The following TBC1D3B variants were observed in gnomAD, a reference collection of about 807,000 sequenced individuals.
TBC1D3B encodes Rab GTPase-activating protein PRC17 duplicate.
A neutral mutation model predicts 27.1 loss-of-function variants in TBC1D3B; 2 were observed. The observed-to-expected ratio is 0.07, with a 90% CI of 0.03 to 0.23. The LOEUF is 0.23. TBC1D3B is among the 10% of genes least tolerant of loss of function. The pLI is 1.00. For synonymous variants in TBC1D3B, 3 were observed against 150.1 expected, an observed-to-expected ratio of 0.02 and a Z score of 7.16; for missense variants, 17 against 401.3, an observed-to-expected ratio of 0.04 and a Z score of 8.18.
intron 13 of TBC1D3B, among the ~76,000 whole-genome samples, chr17:36,167,213 C>T (rs1411850247): frequency 1.3e-5 from 1 of 75,936 alleles, no homozygotes; most frequent in African/African-American, 3.1e-5. Flanking sequence ...CAGGGAGGGG[C>T]GGGGTCTCCC....
Position 36,174,975 on chromosome 17 carries a change from G to C in TBC1D3B, c.72+4C>G. Reference sequence around the variant, plus strand: ...CTCCCTCCAAGAAGCAGACCGACTTGTACCTTTTCGTATTTCATAATGATG... The same window carrying C: ...CTCCCTCCAAGAAGCAGACCGACTTCTACCTTTTCGTATTTCATAATGATG... On this transcript the variant is annotated splice_donor_region_variant and intron_variant, in intron 2 of 13. Transcript: ENST00000611257. 1.4e-6 allele frequency: 1 copy of C among 713,410 alleles called. No individual in the cohort carries two copies. The highest frequency in any genetic ancestry group is 2.9e-5 in the East Asian group (1 of 34,500). 44.2% of individuals were successfully genotyped at this position (713,410 alleles called of 1,614,324 possible).
At chr17:36,168,334 G>A (rs2068292392) in intron 11 of TBC1D3B, among the ~76,000 whole-genome samples, 168 bp from the exon 12 acceptor site, 1 of 54,858 alleles carries the variant, frequency 1.8e-5, no homozygotes, top group Admixed American at 1.2e-4. Flanking sequence ...TCCTCATGGG[G>A]GGCACTCATT....
intron 9 of TBC1D3B, 67 bp from the exon 10 acceptor site, chr17:36,169,241 G>A: frequency 6.3e-7 from 1 of 1,577,080 alleles, no homozygotes. Flanking sequence ...TCAGCTGCAA[G>A]AGCTGGGCAG....
At chr17:36,169,533 T>C (rs2068318237) in intron 9 of TBC1D3B, among the ~76,000 whole-genome samples, 1 of 148,664 alleles carries the variant, frequency 6.7e-6, no homozygotes, top group Admixed American at 6.7e-5. Context: ...CTGGGCTTGG[T>C]CGGCCCATTC....
chr17:36,169,003 G>T lies in TBC1D3B; in HGVS notation c.762+77C>A, dbSNP rs1228657192. The T allele has an allele frequency of 1.5e-5, 23 of 1,556,888 alleles. 1 individual carries two copies. Among genetic ancestry groups the T allele is most frequent in the Admixed American group, 8.4e-5 (5 of 59,392 alleles). ...CTCAGCCAGTCACCAGCCCCACGAG[G>T]GGCCCCAGCCCCCCTGCTCCTACAG... On this transcript the variant is annotated intron_variant, in intron 10 of 13. Coordinates refer to ENST00000611257, the MANE Select transcript of TBC1D3B (RefSeq NM_001001417.7).
intron 13 of TBC1D3B, among the ~76,000 whole-genome samples, chr17:36,167,214 G>A (rs1202666901): frequency 2.6e-5 from 2 of 76,272 alleles, no homozygotes; most frequent in Non-Finnish European, 8.8e-5. Context: ...AGGGAGGGGC[G>A]GGGTCTCCCA....
At chr17:36,171,465 G>T (rs1228176255) in intron 7 of TBC1D3B, among the ~76,000 whole-genome samples, 4 of 151,098 alleles carry the variant, frequency 2.6e-5, no homozygotes, top group Non-Finnish European at 5.9e-5. Context: ...CTGGATGAGA[G>T]TTTCCAGGAC....
chr17:36,175,094 C>T (rs1250680368), intron 1 of TBC1D3B, 43 bp from the exon 2 acceptor site: 27 of 661,982 alleles, frequency 4.1e-5, no homozygotes, highest in Non-Finnish European at 5.9e-5. Flanking sequence ...TACGCGGCGG[C>T]TTCGGAGAAC....
chr17:36,169,539 C>A (rs2068318504), intron 9 of TBC1D3B, among the ~76,000 whole-genome samples: 1 of 148,620 alleles, frequency 6.7e-6, no homozygotes, highest in African/African-American at 2.4e-5. Context: ...TTGGTCGGCC[C>A]ATTCGTGGGC....
rs2068327208 is a variant in TBC1D3B, at chr17:36,169,874, G to A, written c.667+17C>T. ...AGGTCTGGCTGCAGGAGGTCCCCGG[G>A]GCAGCTGTTCACTTACCCTGCAGGG... On this transcript the variant is annotated intron_variant, in intron 9 of 13. Transcript: ENST00000611257. 2 of 319,510 alleles carry A rather than the reference G, an allele frequency of 6.3e-6. No individual in the cohort carries two copies. The highest frequency in any genetic ancestry group is 1.3e-5 in the Non-Finnish European group (2 of 152,286). The allele number at this position is 319,510 out of a possible 1,614,324, so 19.8% of individuals were successfully genotyped here.
chr17:36,171,333 C>T (rs2068350514), intron 7 of TBC1D3B, among the ~76,000 whole-genome samples: 1 of 151,240 alleles, frequency 6.6e-6, no homozygotes, highest in African/African-American at 2.4e-5. Flanking sequence ...TGTCAGTTTC[C>T]AAATCAGTGG....
chr17:36,167,889 CAT>C (rs2142164379), intron 12 of TBC1D3B, among the ~76,000 whole-genome samples, 176 bp downstream of exon 12: 24,627 of 80,854 alleles, frequency 0.3, 2,074 homozygotes, highest in Non-Finnish European at 0.4. Context: ...TCTCGACTTT[CAT>C]CTGGGTCATG....
chr17:36,165,730 C>A lies in TBC1D3B; in HGVS notation c.*265G>T, dbSNP rs2068239249. The A allele has an allele frequency of 6.5e-5, 64 of 988,078 alleles. No homozygotes were observed. The South Asian group carries it at 9.2e-4, about 14-fold the overall frequency. The allele number at this position is 988,078 out of a possible 1,614,324, so 61.2% of individuals were successfully genotyped here. ...CAAAACGTGAAGGTAGTTATCCTTC[C>A]ATGAGTTTAAAGTACAAAGGCAGGC... On this transcript the variant is annotated 3_prime_UTR_variant, in exon 14 of 14. Coordinates refer to ENST00000611257, the MANE Select transcript of TBC1D3B (RefSeq NM_001001417.7).
intron 7 of TBC1D3B, among the ~76,000 whole-genome samples, chr17:36,170,910 A>G (rs1345810348): frequency 7.2e-3 from 583 of 81,508 alleles, no homozygotes; most frequent in African/African-American, 0.011. Flanking sequence ...GTTCCAAACC[A>G]ATGTGCAGAG....
At chr17:36,171,559 C>T (rs2068356935) in intron 7 of TBC1D3B, among the ~76,000 whole-genome samples, 1 of 150,778 alleles carries the variant, frequency 6.6e-6, no homozygotes, top group Non-Finnish European at 1.5e-5. Context: ...CCCGTGGGTC[C>T]TACCATGGGT....
intron 9 of TBC1D3B, 108 bp from the exon 10 acceptor site, chr17:36,169,282 C>G (rs1417532196): frequency 8.4e-6 from 13 of 1,550,884 alleles, no homozygotes; most frequent in Middle Eastern, 4.6e-4. Flanking sequence ...CAAGGCTACT[C>G]CCACCCTCCC....
At chr17:36,175,493 C>CA (rs2068409203) in intron 1 of TBC1D3B, among the ~76,000 whole-genome samples, 1 of 103,458 alleles carries the variant, frequency 9.7e-6, no homozygotes, top group Non-Finnish European at 2.6e-5. Context: ...CTACAGGGAA[C>CA]AAGATCTCTC....
At chr17:36,171,534 C>G (rs1387968343) in intron 7 of TBC1D3B, among the ~76,000 whole-genome samples, 7 of 151,154 alleles carry the variant, frequency 4.6e-5, no homozygotes, top group African/African-American at 1.7e-4. Context: ...CATGGGCCCT[C>G]TATCCTGCCA....
At chr17:36,167,893 T>C (rs1372033131) in intron 12 of TBC1D3B, among the ~76,000 whole-genome samples, 174 bp downstream of exon 12, 2 of 42,702 alleles carry the variant, frequency 4.7e-5, no homozygotes, top group Non-Finnish European at 1.9e-4. Context: ...GACTTTCATC[T>C]GGGTCATGTG....
Sources: gnomAD v4.1 joint callset for allele counts (sites outside exome capture counted in the v4.1 genomes callset) on GRCh38, gnomAD v4.1.1 for gene constraint, MANE v1.5 for transcripts, NCBI Gene and HGNC (gene_info 2026-07-23, HGNC 2026-07-21) for gene names.